Variants in FAM91A1 observed in about 807,000 individuals in gnomAD.
FAM91A1 encodes the protein protein FAM91A1.
FAM91A1 carries 41 observed loss-of-function variants against 113.5 expected under a neutral mutation model. The observed-to-expected ratio is 0.36, with a 90% CI of 0.28 to 0.47. FAM91A1 has a LOEUF of 0.47. Ranked by LOEUF, FAM91A1 falls within the 20% of genes least tolerant of loss-of-function variation. FAM91A1 has a pLI of 1.00. For synonymous variants in FAM91A1, 307 were observed against 347.9 expected (o/e 0.88, Z 1.31); for missense variants, 696 against 1,001.2 (o/e 0.70, Z 4.11).
At chr8:123,776,369 G>A (rs1277059680) in intron 3 of FAM91A1, among the ~76,000 whole-genome samples, 1 of 152,214 alleles carries the variant, frequency 6.6e-6, no homozygotes, top group Non-Finnish European at 1.5e-5. Flanking sequence ...CCCTACATAC[G>A]ATGTGTGCTT....
In FAM91A1 at chr8:123,805,276, C is replaced by G; in HGVS notation, c.1819C>G (p.Leu607Val). The change falls in exon 19 of 24, where the codon CTG becomes GTG. Residue 607 changes from leucine (L) to valine (V), a missense_variant. Leu to Val is a conservative substitution (Grantham distance 32). Transcript: ENST00000334705. ...HSAVLIQGHG[L>V]HGIGETVHVP... ...TTTTGTTTATGTTTAGGGGCATGGT[C>G]TGCATGGGATAGGAGAAACTGTCCA... The G allele has an allele frequency of 2.5e-6, 4 of 1,610,990 alleles. No homozygotes were observed. In the South Asian group the frequency reaches 3.3e-5, roughly 13 times the overall value.
intron 18 of FAM91A1, among the ~76,000 whole-genome samples, chr8:123,804,725 G>C (rs1815764476): frequency 6.6e-6 from 1 of 152,074 alleles, no homozygotes; most frequent in Non-Finnish European, 1.5e-5. Context: ...GCAGGTCATA[G>C]CTTTCTTTCA....
chr8:123,810,066 T>A (rs1404344818), intron 22 of FAM91A1, among the ~76,000 whole-genome samples: 1 of 152,216 alleles, frequency 6.6e-6, no homozygotes, highest in Non-Finnish European at 1.5e-5. Context: ...CACGATGTAT[T>A]TTATTTCAAA....
intron 14 of FAM91A1, 27 bp downstream of exon 14, chr8:123,787,777 T>C (rs1324726284): frequency 5.1e-6 from 8 of 1,559,540 alleles, no homozygotes; most frequent in Middle Eastern, 1.7e-4. Context: ...TGTAAGGGGA[T>C]GTTAGGGCAT....
chr8:123,785,006 T>C (rs575434427), intron 9 of FAM91A1, 75 bp from the exon 10 acceptor site: 2 of 1,090,336 alleles, frequency 1.8e-6, no homozygotes, highest in Admixed American at 2.6e-5. Context: ...ATTATGATTA[T>C]ATTGGTCTAT....
chr8:123,801,759 C>T (rs965140942), intron 18 of FAM91A1, among the ~76,000 whole-genome samples: 7 of 150,250 alleles, frequency 4.7e-5, no homozygotes, highest in Non-Finnish European at 7.4e-5. Context: ...TTAAAAGAAG[C>T]GAGGTAGTAG....
chr8:123,784,404 G>A (rs1360839238), intron 8 of FAM91A1, 66 bp from the exon 9 acceptor site: 13 of 1,211,390 alleles, frequency 1.1e-5, no homozygotes, highest in Non-Finnish European at 1.5e-5. Flanking sequence ...AATTAGATAT[G>A]TAAATTATAC....
intron 15 of FAM91A1, among the ~76,000 whole-genome samples, chr8:123,791,293 A>ATT (rs34032505): frequency 6.7e-5 from 10 of 148,168 alleles, no homozygotes; most frequent in Admixed American, 2.7e-4. Flanking sequence ...GTGTCTGTTG[A>ATT]TTTTTTTTTT....
At chr8:123,787,786 A>G in intron 14 of FAM91A1, 36 bp downstream of exon 14, 1 of 1,529,980 alleles carries the variant, frequency 6.5e-7, no homozygotes, top group Non-Finnish European at 9.0e-7. Context: ...ATGTTAGGGC[A>G]TTTGGAATCT....
At chr8:123,770,530 CT>C (rs775600320) in intron 1 of FAM91A1, among the ~76,000 whole-genome samples, 1 of 152,144 alleles carries the variant, frequency 6.6e-6, no homozygotes, top group East Asian at 1.9e-4. Flanking sequence ...TTAAAGGACA[CT>C]TTTGTACTTT....
At position 123,778,791 on chromosome 8, in the gene FAM91A1, T is replaced by G; in HGVS notation, c.549+19T>G. ...CATCAAGGTAGAAATCTTTAAAAGT[T>G]AAACATAGAATTTTTATTTTTTAGT... On this transcript the variant is annotated intron_variant, in intron 6 of 23. Coordinates refer to ENST00000334705, the MANE Select transcript of FAM91A1 (RefSeq NM_144963.4). 1 of 1,396,264 alleles carries G rather than the reference T, an allele frequency of 7.2e-7. No individual in the cohort carries two copies. Among genetic ancestry groups the G allele is most frequent in the Non-Finnish European group, 9.5e-7 (1 of 1,056,908 alleles). 86.5% of individuals were successfully genotyped at this position (1,396,264 alleles called of 1,614,324 possible). A position where few individuals can be genotyped will look rare whatever the true frequency, so the allele number is the denominator to read the frequency against.
chr8:123,790,712 G>A (rs1420993841), intron 15 of FAM91A1, among the ~76,000 whole-genome samples: 1 of 152,176 alleles, frequency 6.6e-6, no homozygotes, highest in East Asian at 1.9e-4. Context: ...ACATAGGTGA[G>A]AACAAACATG....
At chr8:123,779,217 A>G (rs1392754073) in intron 6 of FAM91A1, among the ~76,000 whole-genome samples, 2 of 152,202 alleles carry the variant, frequency 1.3e-5, no homozygotes, top group South Asian at 2.1e-4. Flanking sequence ...GCACAGAACA[A>G]TTAAGTAACA....
In FAM91A1 at chr8:123,780,480, G is replaced by A. The variant is rs1169764253; in HGVS notation, c.641G>A (p.Ser214Asn). The change falls in exon 8 of 24, where the codon AGT becomes AAT. Residue 214 changes from serine (S) to asparagine (N), a missense_variant and splice_region_variant. Physicochemically the swap from Ser to Asn is conservative, Grantham distance 46 (BLOSUM62 1). Coordinates refer to ENST00000334705, the MANE Select transcript of FAM91A1 (RefSeq NM_144963.4). ...AAACAAGGTACTTTTGTTTCTTCAG[G>A]TTTGTATAACAAAGGATTTATTTAT... is the stretch of plus-strand genomic sequence containing the variant. ...SGSLDYNVVH[S>N]LYNKGFIYLD... The A allele has an allele frequency of 1.2e-6, 2 of 1,609,434 alleles. No individual in the cohort carries two copies. Among genetic ancestry groups the A allele is most frequent in the East Asian group, 2.2e-5 (1 of 44,584 alleles).
chr8:123,810,228 T>C, intron 22 of FAM91A1, 54 bp from the exon 23 acceptor site: 1 of 1,538,534 alleles, frequency 6.5e-7, no homozygotes, highest in Non-Finnish European at 8.8e-7. Context: ...TATGAGAAAC[T>C]CATTCTTGCC....
At chr8:123,806,320 G>A (rs1446767477) in intron 20 of FAM91A1, 91 bp downstream of exon 20, 24 of 1,306,990 alleles carry the variant, frequency 1.8e-5, no homozygotes, top group Non-Finnish European at 2.5e-5. Flanking sequence ...CCTTTGTGGG[G>A]ATGCTGAATT....
At chr8:123,768,837 G>C in intron 1 of FAM91A1, 63 bp downstream of exon 1, 1 of 1,538,854 alleles carries the variant, frequency 6.5e-7, no homozygotes, top group South Asian at 1.2e-5. Context: ...TCACCTGCTT[G>C]CCTCGCTCGC....
At chr8:123,782,101 G>T (rs965323561) in intron 8 of FAM91A1, among the ~76,000 whole-genome samples, 14 of 152,172 alleles carry the variant, frequency 9.2e-5, no homozygotes, top group African/African-American at 3.1e-4. Context: ...TCACATTAGA[G>T]TAACTTTTAA....
At chr8:123,799,245 G>A (rs889905018) in intron 16 of FAM91A1, among the ~76,000 whole-genome samples, 1 of 152,188 alleles carries the variant, frequency 6.6e-6, no homozygotes, top group African/African-American at 2.4e-5. Context: ...GAGAGCTTAA[G>A]TAACCTTCCT....
Sources: gnomAD v4.1 joint callset for allele counts (sites outside exome capture counted in the v4.1 genomes callset) on GRCh38, gnomAD v4.1.1 for gene constraint, MANE v1.5 for transcripts, NCBI Gene and HGNC (gene_info 2026-07-23, HGNC 2026-07-21) for gene names.